The following CPQ variants were observed in gnomAD, a reference collection of about 807,000 sequenced individuals.
CPQ encodes Ser-Met dipeptidase.
A neutral mutation model predicts 45.7 loss-of-function variants in CPQ; 37 were observed. The ratio of observed to expected loss-of-function variants is 0.81; its 90% CI spans 0.62 to 1.07. The LOEUF (loss-of-function observed/expected upper bound fraction) is 1.07, where lower values mean the gene tolerates loss of function less well. CPQ is among the 50% of genes least tolerant of loss of function. CPQ has a pLI of 0.00. For missense variants in CPQ, 537 were observed against 572.9 expected, an observed-to-expected ratio of 0.94 and a Z score of 0.64; for synonymous variants, 186 against 205.8, an observed-to-expected ratio of 0.90 and a Z score of 0.82.
At chr8:96,825,378 C>T (rs1811366621) in intron 2 of CPQ, among the ~76,000 whole-genome samples, 1 of 151,990 alleles carries the variant, frequency 6.6e-6, no homozygotes, top group Non-Finnish European at 1.5e-5. Context: ...AAGCTAACAC[C>T]ATGGGTTTGG....
chr8:96,968,347 T>C (rs1266218488), intron 5 of CPQ, among the ~76,000 whole-genome samples: 4 of 152,348 alleles, frequency 2.6e-5, no homozygotes, highest in East Asian at 1.9e-4. Flanking sequence ...ATTGCACCCA[T>C]TGAGTCTTAC....
intron 7 of CPQ, among the ~76,000 whole-genome samples, chr8:97,104,748 A>T (rs573132468): frequency 4.0e-4 from 61 of 152,268 alleles, no homozygotes; most frequent in African/African-American, 1.4e-3. Flanking sequence ...AGCATCAGGG[A>T]TCTAGAATCC....
At chr8:97,132,906 G>A (rs538480510) in intron 7 of CPQ, 1 of 152,264 alleles carries the variant, frequency 6.6e-6, no homozygotes, top group African/African-American at 2.4e-5. Context: ...ATAGACAAAG[G>A]TGAACACAAT....
chr8:96,849,888 AT>A (rs551388411), intron 3 of CPQ, among the ~76,000 whole-genome samples: 115 of 152,212 alleles, frequency 7.6e-4, no homozygotes, highest in African/African-American at 2.6e-3. Flanking sequence ...ACCCTTATAC[AT>A]TTGCTCTACT....
At chr8:96,708,689 T>C (rs1189884231) in intron 1 of CPQ, among the ~76,000 whole-genome samples, 1 of 152,154 alleles carries the variant, frequency 6.6e-6, no homozygotes, top group Non-Finnish European at 1.5e-5. Context: ...ATCAGCTGCA[T>C]TGTTGTATAG....
intron 5 of CPQ, among the ~76,000 whole-genome samples, chr8:97,028,345 C>T (rs1809836335): frequency 6.6e-6 from 1 of 152,196 alleles, no homozygotes; most frequent in Non-Finnish European, 1.5e-5. Context: ...CCAGCTGGCT[C>T]CTTCAAAAGC....
chr8:96,917,224 A>T (rs1812745405), intron 4 of CPQ, among the ~76,000 whole-genome samples: 1 of 152,160 alleles, frequency 6.6e-6, no homozygotes. Flanking sequence ...TATATTATCC[A>T]TAATTCTTCC....
intron 7 of CPQ, among the ~76,000 whole-genome samples, chr8:97,083,054 G>C (rs930824883): frequency 6.6e-6 from 1 of 152,172 alleles, no homozygotes; most frequent in African/African-American, 2.4e-5. Flanking sequence ...TTATAGCAGT[G>C]TGCTTTTGAC....
chr8:96,902,530 T>G (rs771798855), intron 4 of CPQ, among the ~76,000 whole-genome samples: 10 of 152,182 alleles, frequency 6.6e-5, no homozygotes, highest in Non-Finnish European at 1.5e-4. Context: ...TCAGAATGTG[T>G]GTGTTGGAGA....
chr8:97,014,109 A>G (rs1436488791), intron 5 of CPQ, among the ~76,000 whole-genome samples: 23 of 152,198 alleles, frequency 1.5e-4, no homozygotes, highest in Admixed American at 1.5e-3. Flanking sequence ...AAGAAGATGA[A>G]TCTGGCAGCA....
chr8:96,839,588 T>C (rs939358497), intron 3 of CPQ, among the ~76,000 whole-genome samples: 2 of 152,226 alleles, frequency 1.3e-5, no homozygotes, highest in Non-Finnish European at 2.9e-5. Flanking sequence ...ATTATTTCTC[T>C]AATTTATCAT....
At chr8:96,950,759 C>G (rs1813251551) in intron 4 of CPQ, among the ~76,000 whole-genome samples, 1 of 152,112 alleles carries the variant, frequency 6.6e-6, no homozygotes, top group Non-Finnish European at 1.5e-5. Flanking sequence ...TGAGCATACA[C>G]TGGATACTAG....
At chr8:96,758,838 C>A (rs1810360675) in intron 1 of CPQ, among the ~76,000 whole-genome samples, 1 of 152,274 alleles carries the variant, frequency 6.6e-6, no homozygotes, top group East Asian at 1.9e-4. Context: ...CTTCACCAGT[C>A]TTCCTATTGC....
At chr8:97,038,825 C>CAAAAAAAAAAAA (rs35739621) in intron 6 of CPQ, among the ~76,000 whole-genome samples, 2 of 91,874 alleles carry the variant, frequency 2.2e-5, no homozygotes, top group African/African-American at 4.2e-5. Flanking sequence ...ACCGTATTTA[C>CAAAAAAAAAAAA]AAAAAAAAAA....
At chr8:96,865,233 A>G (rs531899727) in intron 3 of CPQ, among the ~76,000 whole-genome samples, 1 of 152,178 alleles carries the variant, frequency 6.6e-6, no homozygotes, top group South Asian at 2.1e-4. Flanking sequence ...CTTAGAATCA[A>G]CAGCTCCCCA....
Position 96,785,131 on chromosome 8 carries a change from G to C in CPQ, c.234G>C (p.Leu78=), listed in dbSNP as rs1810747463. ...TGGTTGATACTGTTGGACCCAGACT[G>C]AGTGGCTCCAAGAACCTAGAAAAAG... ...ALLVDTVGPR[L]SGSKNLEKAI... Residue 78 remains leucine, a synonymous_variant, in exon 2 of 8, where the codon CTG becomes CTC. Transcript: ENST00000220763. 6.2e-7 allele frequency: 1 copy of C among 1,613,722 alleles called. No individual in the cohort carries two copies. The highest frequency in any genetic ancestry group is 8.5e-7 in the Non-Finnish European group (1 of 1,179,812).
intron 1 of CPQ, among the ~76,000 whole-genome samples, chr8:96,701,236 T>C (rs1267130303): frequency 6.6e-6 from 1 of 152,140 alleles, no homozygotes; most frequent in East Asian, 1.9e-4. Flanking sequence ...TTCTTAACTG[T>C]GAAATGGGGA....
At chr8:96,713,232 T>C (rs1809636354) in intron 1 of CPQ, among the ~76,000 whole-genome samples, 2 of 152,166 alleles carry the variant, frequency 1.3e-5, no homozygotes, top group Admixed American at 1.3e-4. Context: ...CTCTAGGAAG[T>C]TTTAAACTTT....
rs1055159670 is a variant in CPQ at position 96,854,338 on chromosome 8, C to T, written c.641+19158C>T. ...CGAGGTCAGGAGATCGAGACCATCC[C>T]GGCTAAAACGGTGAAACCCCGTCTC... On this transcript the variant is annotated intron_variant, in intron 3 of 7. Transcript: ENST00000220763. 1.1e-4 allele frequency among the ~76,000 whole-genome samples: 16 copies of T among 150,582 alleles called. No individual in the cohort carries two copies. In the East Asian group the frequency reaches 2.6e-3, roughly 24 times the overall value.
Sources: gnomAD v4.1 joint callset for allele counts (sites outside exome capture counted in the v4.1 genomes callset) on GRCh38, gnomAD v4.1.1 for gene constraint, MANE v1.5 for transcripts, NCBI Gene and HGNC (gene_info 2026-07-23, HGNC 2026-07-21) for gene names.